FAH: variants seen among roughly 807,000 people sequenced by gnomAD.
FAH encodes fumarylacetoacetate hydrolase.
FAH carries 47 observed loss-of-function variants against 55.8 expected under a neutral mutation model. The ratio of observed to expected loss-of-function variants is 0.84; its 90% CI spans 0.67 to 1.07. The LOEUF is 1.07. Among genes scored for constraint, FAH ranks in the 50% least tolerant of loss-of-function variants. The probability of loss-of-function intolerance (pLI) is 0.00; values close to 1 mark genes in which losing one functional copy is unlikely to be tolerated. For missense variants in FAH, 495 were observed against 545.9 expected (o/e 0.91, Z 0.93); for synonymous variants, 199 against 207.7 (o/e 0.96, Z 0.36).
intron 7 of FAH, 42 bp downstream of exon 7, chr15:80,168,358 AC>A: frequency 6.2e-7 from 1 of 1,603,742 alleles, no homozygotes; most frequent in Non-Finnish European, 8.5e-7. Flanking sequence ...ATCTATAGAC[AC>A]CCGGCAGGAG....
At chr15:80,167,502 G>C (rs1458702808) in intron 5 of FAH, among the ~76,000 whole-genome samples, 2 of 150,622 alleles carry the variant, frequency 1.3e-5, no homozygotes, top group Non-Finnish European at 3.0e-5. Context: ...CATGTATAAA[G>C]ACTCTGGGAG....
chr15:80,167,491 A>G (rs546524656), intron 5 of FAH, among the ~76,000 whole-genome samples: 2 of 150,746 alleles, frequency 1.3e-5, no homozygotes, highest in East Asian at 3.9e-4. Context: ...TAACTTGATT[A>G]CATGTATAAA....
chr15:80,179,244 T>G (rs2041309949), intron 11 of FAH, among the ~76,000 whole-genome samples: 1 of 152,264 alleles, frequency 6.6e-6, no homozygotes, highest in African/African-American at 2.4e-5. Flanking sequence ...ATTTCCCTAA[T>G]GACTAATGCA....
At chr15:80,180,578 C>T (rs924351579) in intron 12 of FAH, among the ~76,000 whole-genome samples, 4 of 152,176 alleles carry the variant, frequency 2.6e-5, no homozygotes, top group African/African-American at 4.8e-5. Flanking sequence ...CCTTCCCACC[C>T]GCTTGTCCCC....
intron 1 of FAH, among the ~76,000 whole-genome samples, chr15:80,155,516 C>T (rs192906762): frequency 1.3e-5 from 2 of 152,312 alleles, no homozygotes; most frequent in East Asian, 3.9e-4. Context: ...CTGTCAGCCT[C>T]CCAATCTGTA....
chr15:80,177,494 C>T (rs2142105454), intron 10 of FAH, 43 bp from the exon 11 acceptor site: 7 of 1,536,588 alleles, frequency 4.6e-6, no homozygotes, highest in Non-Finnish European at 6.3e-6. Flanking sequence ...CTCCCTGATG[C>T]ATGGAATTAA....
chr15:80,158,046 C>A lies in FAH; in HGVS notation c.82-14C>A. 6.2e-7 allele frequency: 1 copy of A among 1,603,104 alleles called. No homozygotes were observed. The highest frequency in any genetic ancestry group is 8.5e-7 in the Non-Finnish European group (1 of 1,170,110). ...GGGCTTTTTCTGGTGCTGACGGTGTCGTCTTCCTCCTAGCCAAGACCGAGG... is the reference window on the plus strand; with the variant it reads ...GGGCTTTTTCTGGTGCTGACGGTGTAGTCTTCCTCCTAGCCAAGACCGAGG... On this transcript the variant is annotated splice_polypyrimidine_tract_variant and intron_variant, in intron 1 of 13. Coordinates refer to ENST00000561421, the MANE Select transcript of FAH (RefSeq NM_000137.4).
At position 80,167,466 on chromosome 15, in the gene FAH, G is replaced by A. The variant is rs188716901; in HGVS notation, c.456-586G>A. On this transcript the variant is annotated intron_variant, in intron 5 of 13. Coordinates refer to ENST00000561421, the MANE Select transcript of FAH (RefSeq NM_000137.4). The stretch of plus-strand genomic sequence containing the variant: ...CCCACCTGGATAATTCAGGATGATC[G>A]TGTCTCAAAATTCTTAACTTGATTA... Among the ~76,000 whole-genome samples the A allele has an allele frequency of 1.2e-4, 18 of 151,698 alleles. 1 individual carries two copies. The East Asian group carries it at 3.3e-3, about 28-fold the overall frequency.
chr15:80,170,582 T>A (rs1418077913), intron 7 of FAH, among the ~76,000 whole-genome samples: 2 of 152,198 alleles, frequency 1.3e-5, no homozygotes, highest in Non-Finnish European at 2.9e-5. Context: ...CCAGCTGAGA[T>A]TCATCAGAGC....
At chr15:80,182,976 A>T (rs529913759) in intron 13 of FAH, among the ~76,000 whole-genome samples, 1 of 152,360 alleles carries the variant, frequency 6.6e-6, no homozygotes, top group South Asian at 2.1e-4. Context: ...ATGCTAGACC[A>T]GGCAGCTGTC....
chr15:80,178,803 T>A (rs2041305875), intron 11 of FAH, among the ~76,000 whole-genome samples: 1 of 151,980 alleles, frequency 6.6e-6, no homozygotes, highest in Non-Finnish European at 1.5e-5. Flanking sequence ...TTAGCCAGGA[T>A]GGTCTCGATC....
chr15:80,172,660 C>G (rs906745510), intron 8 of FAH, among the ~76,000 whole-genome samples: 16 of 152,236 alleles, frequency 1.1e-4, no homozygotes, highest in African/African-American at 3.4e-4. Flanking sequence ...AGTCCAGCTT[C>G]TGAGCCTGAG....
At position 80,159,740 on chromosome 15, in the gene FAH, C is replaced by G; in HGVS notation, c.193-16C>G. The G allele has an allele frequency of 6.2e-7, 1 of 1,614,098 alleles. No individual in the cohort carries two copies. Among genetic ancestry groups the G allele is most frequent in the Non-Finnish European group, 8.5e-7 (1 of 1,179,984 alleles). On this transcript the variant is annotated splice_polypyrimidine_tract_variant and intron_variant, in intron 2 of 13. Transcript: ENST00000561421. ...TTTCCTGTACGTGATCTTTTTTCTCCCTGTTTTGGTCTTAGCCTACACTCA... is the reference window on the plus strand; with the variant it reads ...TTTCCTGTACGTGATCTTTTTTCTCGCTGTTTTGGTCTTAGCCTACACTCA...
At position 80,160,490 on chromosome 15, in the gene FAH, C is replaced by T. The variant is rs763270843; in HGVS notation, c.364+31C>T. On this transcript the variant is annotated intron_variant, in intron 4 of 13. Transcript: ENST00000561421. ...TGCAGTCTCTTCACCAAGATAAGAA[C>T]GGAGCAGCTTCGTGGGCCAAGAGGG... is the stretch of plus-strand genomic sequence containing the variant. 1.7e-5 allele frequency: 27 copies of T among 1,610,716 alleles called. 1 individual carries two copies. Among genetic ancestry groups the T allele is most frequent in the Admixed American group, 1.7e-4 (10 of 60,028 alleles).
Position 80,168,256 on chromosome 15 carries a change from T to G in FAH, c.554-8T>G. ...ACCGTTTTTTTTTTTTTTCTGGTGTTATTCCAGCTAAGCCTCCCGTATATG... is the reference window on the plus strand; with the variant it reads ...ACCGTTTTTTTTTTTTTTCTGGTGTGATTCCAGCTAAGCCTCCCGTATATG... On this transcript the variant is annotated splice_region_variant and splice_polypyrimidine_tract_variant and intron_variant, in intron 6 of 13. Coordinates refer to ENST00000561421, the MANE Select transcript of FAH (RefSeq NM_000137.4). 2 of 1,610,584 alleles carry G rather than the reference T, an allele frequency of 1.2e-6. No individual in the cohort carries two copies. Among genetic ancestry groups the G allele is most frequent in the Non-Finnish European group, 1.7e-6 (2 of 1,179,512 alleles).
intron 13 of FAH, among the ~76,000 whole-genome samples, chr15:80,185,113 A>G (rs2041359763): frequency 6.6e-6 from 1 of 152,220 alleles, no homozygotes. Context: ...TCACTGAAAT[A>G]TTTAGTCTAA....
chr15:80,159,723 A>T (rs1271557858), intron 2 of FAH, 33 bp from the exon 3 acceptor site: 1 of 1,614,078 alleles, frequency 6.2e-7, no homozygotes, highest in African/African-American at 1.3e-5. Context: ...GTTTTCCTGT[A>T]CGTGATCTTT....
chr15:80,173,912 A>G (rs1355041637), intron 9 of FAH, among the ~76,000 whole-genome samples: 1 of 152,098 alleles, frequency 6.6e-6, no homozygotes, highest in African/African-American at 2.4e-5. Flanking sequence ...TCGCTTGAGC[A>G]TCTCACCACG....
chr15:80,154,663 C>T (rs1157021599), intron 1 of FAH, among the ~76,000 whole-genome samples: 2 of 152,236 alleles, frequency 1.3e-5, no homozygotes, highest in South Asian at 2.1e-4. Context: ...CAGCAGTCAG[C>T]CTTTCCTAAT....
Sources: gnomAD v4.1 joint callset for allele counts (sites outside exome capture counted in the v4.1 genomes callset) on GRCh38, gnomAD v4.1.1 for gene constraint, MANE v1.5 for transcripts, NCBI Gene and HGNC (gene_info 2026-07-23, HGNC 2026-07-21) for gene names.